LRRC4C: variants seen among roughly 807,000 people sequenced by gnomAD.
LRRC4C encodes the protein leucine rich repeat containing 4C, also known as leucine-rich repeat-containing protein 4C.
LRRC4C carries 5 observed loss-of-function variants against 33.6 expected under a neutral mutation model. That is an observed-to-expected ratio of 0.15 (90% confidence interval 0.08 to 0.31). The LOEUF (loss-of-function observed/expected upper bound fraction) is 0.31. Among genes scored for constraint, LRRC4C ranks in the 10% least tolerant of loss-of-function variants. The pLI, the probability that LRRC4C is intolerant of heterozygous loss-of-function variation, is 1.00. For missense variants in LRRC4C, 560 were observed against 796.7 expected, an observed-to-expected ratio of 0.70 and a Z score of 3.58; for synonymous variants, 329 against 302.0, an observed-to-expected ratio of 1.09 and a Z score of -0.93.
intron 1 of LRRC4C, among the ~76,000 whole-genome samples, chr11:41,155,235 A>G (rs1448485592): frequency 6.6e-6 from 1 of 152,100 alleles, no homozygotes; most frequent in East Asian, 1.9e-4. Context: ...CCTTTAATGT[A>G]TTCTTCAGGA....
At chr11:40,965,942 C>A (rs1424710494) in intron 1 of LRRC4C, among the ~76,000 whole-genome samples, 2 of 152,048 alleles carry the variant, frequency 1.3e-5, no homozygotes, top group East Asian at 1.9e-4. Context: ...GTCCTTGAAT[C>A]TATAAATTAC....
At chr11:41,165,231 T>G in intron 1 of LRRC4C, among the ~76,000 whole-genome samples, 1 of 152,086 alleles carries the variant, frequency 6.6e-6, no homozygotes, top group East Asian at 1.9e-4. Flanking sequence ...TCTGCCAGAC[T>G]TTGTTGCCCC....
At chr11:40,988,421 C>T (rs1853230246) in intron 1 of LRRC4C, among the ~76,000 whole-genome samples, 1 of 152,124 alleles carries the variant, frequency 6.6e-6, no homozygotes, top group Non-Finnish European at 1.5e-5. Flanking sequence ...CCCTGAATTT[C>T]TTTGCTTCAG....
At chr11:40,283,355 A>T (rs1361121414) in intron 4 of LRRC4C, among the ~76,000 whole-genome samples, 2 of 152,194 alleles carry the variant, frequency 1.3e-5, no homozygotes, top group African/African-American at 2.4e-5. Context: ...AAATCATTTG[A>T]TTTAAATGTT....
intron 1 of LRRC4C, among the ~76,000 whole-genome samples, chr11:41,177,564 A>ATACTTAAG (rs1565453865): frequency 6.6e-6 from 1 of 152,144 alleles, no homozygotes; most frequent in Admixed American, 6.5e-5. Flanking sequence ...TCAACCCTGG[A>ATACTTAAG]TGACTATCTT....
At chr11:40,677,793 G>A (rs557913007) in intron 2 of LRRC4C, among the ~76,000 whole-genome samples, 12 of 152,306 alleles carry the variant, frequency 7.9e-5, no homozygotes, top group African/African-American at 2.9e-4. Context: ...CGTGAGCAGA[G>A]CTGTTTGGGG....
intron 1 of LRRC4C, among the ~76,000 whole-genome samples, chr11:41,192,396 C>A (rs1945994760): frequency 1.2e-5 from 1 of 81,716 alleles, no homozygotes; most frequent in Non-Finnish European, 2.7e-5. Flanking sequence ...TCAAGAAGAT[C>A]ATACACACAC....
At chr11:40,969,971 C>T (rs2136975606) in intron 1 of LRRC4C, among the ~76,000 whole-genome samples, 2 of 152,242 alleles carry the variant, frequency 1.3e-5, no homozygotes, top group South Asian at 4.1e-4. Context: ...GAGTGTCTGC[C>T]TGTTCAAGCC....
At chr11:40,970,957 G>T (rs1457815550) in intron 1 of LRRC4C, among the ~76,000 whole-genome samples, 7 of 152,182 alleles carry the variant, frequency 4.6e-5, no homozygotes, top group Non-Finnish European at 1.5e-5. Flanking sequence ...CTTAAGAATT[G>T]ACCTGGCTGC....
At chr11:41,203,040 C>T (rs1039040203) in intron 1 of LRRC4C, among the ~76,000 whole-genome samples, 1 of 152,218 alleles carries the variant, frequency 6.6e-6, no homozygotes, top group African/African-American at 2.4e-5. Flanking sequence ...CCCGCCTCAG[C>T]CTCCCAAGGT....
intron 3 of LRRC4C, among the ~76,000 whole-genome samples, chr11:40,558,706 AC>A (rs1957425793): frequency 6.6e-6 from 1 of 152,246 alleles, no homozygotes; most frequent in East Asian, 1.9e-4. Flanking sequence ...TTTTTTAAAA[AC>A]TTTTATATTA....
chr11:40,991,204 T>TAAAA (rs1186155913), intron 1 of LRRC4C, among the ~76,000 whole-genome samples: 3 of 103,326 alleles, frequency 2.9e-5, no homozygotes, highest in Non-Finnish European at 3.8e-5. Context: ...TCCCAATATG[T>TAAAA]AAAAAAAAAA....
intron 2 of LRRC4C, among the ~76,000 whole-genome samples, chr11:40,786,096 A>G (rs1950402361): frequency 6.6e-6 from 1 of 152,176 alleles, no homozygotes; most frequent in Non-Finnish European, 1.5e-5. Flanking sequence ...TGAAAGACAA[A>G]GTTAATTAGC....
chr11:40,269,749 T>C (rs1441555024), intron 4 of LRRC4C, among the ~76,000 whole-genome samples: 1 of 151,684 alleles, frequency 6.6e-6, no homozygotes, highest in Non-Finnish European at 1.5e-5. Context: ...GGGATATACA[T>C]TTTTTATCCC....
chr11:40,423,339 C>CTTTTTTTTTTTTTT (rs35819704), intron 3 of LRRC4C, among the ~76,000 whole-genome samples: 2 of 90,934 alleles, frequency 2.2e-5, no homozygotes, highest in African/African-American at 4.2e-5. Flanking sequence ...TGTTCATGTT[C>CTTTTTTTTTTTTTT]TTTTTTTTTT....
chr11:40,489,844 C>T (rs1191731917), intron 3 of LRRC4C, among the ~76,000 whole-genome samples: 4 of 152,182 alleles, frequency 2.6e-5, no homozygotes, highest in East Asian at 1.9e-4. Context: ...AATACTTCTC[C>T]GATAAGTAGT....
At chr11:41,257,787 ACTTTGTTCATATCT>A (rs1948848927) in intron 1 of LRRC4C, among the ~76,000 whole-genome samples, 1 of 151,972 alleles carries the variant, frequency 6.6e-6, no homozygotes, top group Admixed American at 6.6e-5. Flanking sequence ...TGCCAGAGTG[ACTTTGTTCATATCT>A]GCCACCTCCC....
chr11:40,830,326 A>AT (rs1952355053), intron 2 of LRRC4C, among the ~76,000 whole-genome samples: 1 of 152,080 alleles, frequency 6.6e-6, no homozygotes, highest in Non-Finnish European at 1.5e-5. Flanking sequence ...GTATCTTATT[A>AT]TTCCCCATAC....
intron 1 of LRRC4C, among the ~76,000 whole-genome samples, chr11:41,356,244 A>G (rs1426500795): frequency 6.6e-6 from 1 of 152,194 alleles, no homozygotes; most frequent in Non-Finnish European, 1.5e-5. Context: ...AACATTATGA[A>G]TGATGTTATA....
Sources: gnomAD v4.1 joint callset for allele counts (sites outside exome capture counted in the v4.1 genomes callset) on GRCh38, gnomAD v4.1.1 for gene constraint, MANE v1.5 for transcripts, NCBI Gene and HGNC (gene_info 2026-07-23, HGNC 2026-07-21) for gene names.